The following KCNT2 variants were observed in gnomAD, a reference collection of about 807,000 sequenced individuals.
The protein encoded by KCNT2 is potassium sodium-activated channel subfamily T member 2.
A neutral mutation model predicts 153.8 loss-of-function variants in KCNT2; 67 were observed. That is an observed-to-expected ratio of 0.44 (90% confidence interval 0.36 to 0.53). KCNT2 has a LOEUF of 0.53. Among genes scored for constraint, KCNT2 ranks in the 20% least tolerant of loss-of-function variants. The pLI, the probability that KCNT2 is intolerant of heterozygous loss-of-function variation, is 0.00. For missense variants in KCNT2, 975 were observed against 1,354.8 expected, an observed-to-expected ratio of 0.72 and a Z score of 4.40; for synonymous variants, 500 against 458.8, an observed-to-expected ratio of 1.09 and a Z score of -1.15.
chr1:196,409,075 T>TG (rs1672075286), intron 12 of KCNT2, among the ~76,000 whole-genome samples: 1 of 131,000 alleles, frequency 7.6e-6, no homozygotes, highest in East Asian at 2.0e-4. Flanking sequence ...ATTTAGGAGT[T>TG]TTTTTTTTTT....
At chr1:196,268,721 C>T (rs1340703361) in intron 25 of KCNT2, among the ~76,000 whole-genome samples, 1 of 151,976 alleles carries the variant, frequency 6.6e-6, no homozygotes. Flanking sequence ...GAAACCTCAC[C>T]CAAAACCCAG....
At position 196,402,706 on chromosome 1, in the gene KCNT2, T is replaced by C. The variant is rs185250331; in HGVS notation, c.1186-4035A>G. 3.3e-4 allele frequency among the ~76,000 whole-genome samples: 50 copies of C among 151,660 alleles called. 1 individual carries two copies. The highest frequency in any genetic ancestry group is 3.4e-3 in the Middle Eastern group (1 of 294). On this transcript the variant is annotated intron_variant, in intron 12 of 27. Coordinates refer to ENST00000294725, the MANE Select transcript of KCNT2 (RefSeq NM_198503.5). ...ATTAAATGCCAATGGACTAAACATG[T>C]TGAAACACAAAGATGTAGATAGCAA... is the stretch of plus-strand genomic sequence containing the variant.
At chr1:196,435,135 G>A (rs111547658) in intron 8 of KCNT2, among the ~76,000 whole-genome samples, 239 of 76,806 alleles carry the variant, frequency 3.1e-3, no homozygotes, top group African/African-American at 0.011. Context: ...GTGTGTGTGT[G>A]TATGTATATA....
At chr1:196,448,673 T>C (rs1189168918) in intron 8 of KCNT2, among the ~76,000 whole-genome samples, 1 of 151,686 alleles carries the variant, frequency 6.6e-6, no homozygotes, top group African/African-American at 2.4e-5. Context: ...CAAATCCTAT[T>C]GTTGAAGTTT....
rs574359313 is a variant in KCNT2, at chr1:196,527,069, C to A, written c.96-34728G>T. Among the ~76,000 whole-genome samples, 5 of 152,214 alleles carry A rather than the reference C, an allele frequency of 3.3e-5. No homozygotes were observed. The South Asian group carries it at 1.0e-3, about 32-fold the overall frequency. Reference sequence around the variant, plus strand: ...GTGCTCCTTATGAGAATCTAACTAACGTCTGATGATCTGAAGTAGAACAGT... The same window carrying A: ...GTGCTCCTTATGAGAATCTAACTAAAGTCTGATGATCTGAAGTAGAACAGT... On this transcript the variant is annotated intron_variant, in intron 1 of 27. Transcript: ENST00000294725.
At chr1:196,570,299 T>A (rs1231371195) in intron 1 of KCNT2, among the ~76,000 whole-genome samples, 3 of 152,280 alleles carry the variant, frequency 2.0e-5, no homozygotes, top group Admixed American at 2.0e-4. Flanking sequence ...TTTTTTTAAA[T>A]TATGTGTTGG....
intron 1 of KCNT2, among the ~76,000 whole-genome samples, chr1:196,492,976 GACTACATATT>G (rs1679970199): frequency 6.6e-6 from 1 of 152,084 alleles, no homozygotes; most frequent in South Asian, 2.1e-4. Flanking sequence ...TCAATTAATA[GACTACATATT>G]GTATATTTGA....
At chr1:196,364,914 T>C (rs1346514416) in intron 14 of KCNT2, among the ~76,000 whole-genome samples, 1 of 152,078 alleles carries the variant, frequency 6.6e-6, no homozygotes, top group Non-Finnish European at 1.5e-5. Flanking sequence ...ATTTACAATG[T>C]TGCAACTTTT....
At chr1:196,333,801 T>C in intron 17 of KCNT2, 46 bp downstream of exon 17, 1 of 1,164,150 alleles carries the variant, frequency 8.6e-7, no homozygotes. Context: ...TTAAGGACAT[T>C]AGCACAAAAC....
chr1:196,554,944 A>T (rs537750388), intron 1 of KCNT2, among the ~76,000 whole-genome samples: 1 of 151,460 alleles, frequency 6.6e-6, no homozygotes, highest in Non-Finnish European at 1.5e-5. Context: ...ACATACCTTC[A>T]TGATAAAAAC....
intron 1 of KCNT2, among the ~76,000 whole-genome samples, chr1:196,512,140 A>G (rs1291852265): frequency 6.6e-6 from 1 of 152,136 alleles, no homozygotes; most frequent in African/African-American, 2.4e-5. Flanking sequence ...TCATTTCATC[A>G]TGTTTGAATC....
intron 8 of KCNT2, among the ~76,000 whole-genome samples, chr1:196,433,422 A>G (rs1445476857): frequency 6.6e-6 from 1 of 152,228 alleles, no homozygotes; most frequent in South Asian, 2.1e-4. Flanking sequence ...AAATATCCAG[A>G]GAAGAGCCAG....
intron 13 of KCNT2, among the ~76,000 whole-genome samples, chr1:196,392,569 C>T (rs1191344702): frequency 2.6e-5 from 4 of 151,396 alleles, no homozygotes; most frequent in African/African-American, 9.7e-5. Flanking sequence ...CAAGCCTGCA[C>T]ATCCATATGT....
chr1:196,500,398 AG>A (rs1459483532), intron 1 of KCNT2, among the ~76,000 whole-genome samples: 3 of 152,176 alleles, frequency 2.0e-5, no homozygotes, highest in African/African-American at 7.2e-5. Context: ...ATGGGGACAG[AG>A]TTGGAACATT....
At chr1:196,551,201 C>G (rs566668380) in intron 1 of KCNT2, among the ~76,000 whole-genome samples, 7 of 151,898 alleles carry the variant, frequency 4.6e-5, no homozygotes, top group African/African-American at 1.7e-4. Flanking sequence ...TTAAATATGT[C>G]TTAAATCTGT....
At chr1:196,342,935 G>C (rs1047950720) in intron 14 of KCNT2, 1 of 152,098 alleles carries the variant, frequency 6.6e-6, no homozygotes, top group African/African-American at 2.4e-5. Flanking sequence ...GAGGCAATTA[G>C]GTTATGAGAG....
intron 25 of KCNT2, among the ~76,000 whole-genome samples, chr1:196,279,998 T>C (rs1027403774): frequency 1.3e-5 from 2 of 152,158 alleles, no homozygotes; most frequent in Non-Finnish European, 1.5e-5. Context: ...GGTAATTTTG[T>C]ATCAGACCAA....
intron 1 of KCNT2, among the ~76,000 whole-genome samples, chr1:196,532,998 A>G (rs1655140209): frequency 6.6e-6 from 1 of 152,070 alleles, no homozygotes; most frequent in African/African-American, 2.4e-5. Flanking sequence ...ACCAAAGAAA[A>G]TTCTCAAATA....
In KCNT2 at chr1:196,226,993, C is replaced by T. The variant is rs1360204145; in HGVS notation, c.*1231G>A. The T allele has an allele frequency of 6.6e-6, 1 of 151,814 alleles. No homozygotes were observed. Among genetic ancestry groups the T allele is most frequent in the African/African-American group, 2.4e-5 (1 of 41,396 alleles). The allele number at this position is 151,814 out of a possible 1,614,324, so 9.4% of individuals were successfully genotyped here. On this transcript the variant is annotated 3_prime_UTR_variant, in exon 28 of 28. Coordinates refer to ENST00000294725, the MANE Select transcript of KCNT2 (RefSeq NM_198503.5). ...GATCTATTTCTCTAGGGGGAAAATG[C>T]AATACAGGTAAAAAATGAAAAACTG...
Sources: allele counts gnomAD v4.1 joint callset (sites outside exome capture counted in the v4.1 genomes callset), GRCh38; gene constraint gnomAD v4.1.1; transcripts MANE v1.5; gene names NCBI Gene and HGNC (gene_info 2026-07-23, HGNC 2026-07-21).